Variants in ADGRL2 observed in about 807,000 individuals in gnomAD.
The protein encoded by ADGRL2 is adhesion G protein-coupled receptor L2, also known as calcium-independent alpha-latrotoxin receptor 2.
A neutral mutation model predicts 157.4 loss-of-function variants in ADGRL2; 44 were observed. The ratio of observed to expected loss-of-function variants is 0.28; its 90% CI spans 0.22 to 0.36. The LOEUF (loss-of-function observed/expected upper bound fraction) is 0.36, where lower values mean the gene tolerates loss of function less well. Among genes scored for constraint, ADGRL2 ranks in the 10% least tolerant of loss-of-function variants. ADGRL2 has a pLI of 1.00. For synonymous variants in ADGRL2, 585 were observed against 624.7 expected (o/e 0.94, Z 0.95); for missense variants, 1,510 against 1,768.9 (o/e 0.85, Z 2.63).
rs529182933 is a variant in ADGRL2 at position 81,775,586 on chromosome 1, A to T, written c.-101+13734A>T. 9.4e-3 allele frequency among the ~76,000 whole-genome samples: 1,356 copies of T among 144,100 alleles called. 19 individuals carry two copies. The highest frequency in any genetic ancestry group is 0.031 in the African/African-American group (1,233 of 39,756). The allele number at this position is 144,100 out of a possible 152,430, so 94.5% of individuals were successfully genotyped here. ...CTTGGGTAATAGAGGTCCTGGTTTAAAAAAAAAAAAAAAAGTGTGATGTTT... is the reference window on the plus strand; with the variant it reads ...CTTGGGTAATAGAGGTCCTGGTTTATAAAAAAAAAAAAAAGTGTGATGTTT... On this transcript the variant is annotated intron_variant, in intron 2 of 20. Coordinates refer to the ADGRL2 transcript ENST00000359929.
chr1:81,442,650 GT>G (rs138317392), intron 1 of ADGRL2, among the ~76,000 whole-genome samples: 9,996 of 152,174 alleles, frequency 0.066, 362 homozygotes, highest in Middle Eastern at 0.12. Flanking sequence ...GTAAAACATG[GT>G]ACTCGGGAGC....
intron 3 of ADGRL2, among the ~76,000 whole-genome samples, chr1:81,635,788 A>C (rs2082103543): frequency 6.6e-6 from 1 of 152,292 alleles, no homozygotes; most frequent in South Asian, 2.1e-4. Context: ...ACACCACAGC[A>C]GTGGGCTTCA....
chr1:81,941,897 G>T (rs1648121698), intron 4 of ADGRL2, 137 bp from the exon 5 acceptor site: 1 of 489,592 alleles, frequency 2.0e-6, no homozygotes, highest in East Asian at 3.3e-5. Context: ...TTTATCCAAA[G>T]TAGTACAGCT....
intron 2 of ADGRL2, among the ~76,000 whole-genome samples, chr1:81,852,953 C>A (rs1391479717): frequency 1.3e-5 from 2 of 152,024 alleles, no homozygotes; most frequent in African/African-American, 2.4e-5. Flanking sequence ...CTGTAAAAAT[C>A]AACATTTTTT....
At chr1:81,593,297 A>G (rs2081169848) in intron 3 of ADGRL2, among the ~76,000 whole-genome samples, 1 of 152,148 alleles carries the variant, frequency 6.6e-6, no homozygotes, top group Admixed American at 6.5e-5. Flanking sequence ...TGTAATAACA[A>G]TCACCCTAGA....
chr1:81,374,627 C>A (rs2076218074), intron 1 of ADGRL2, among the ~76,000 whole-genome samples: 1 of 149,422 alleles, frequency 6.7e-6, no homozygotes, highest in South Asian at 2.1e-4. Context: ...ATGAGTAGGG[C>A]AAGTCCGCCT....
intron 2 of ADGRL2, among the ~76,000 whole-genome samples, chr1:81,498,562 G>A (rs929852018): frequency 1.3e-5 from 2 of 152,190 alleles, no homozygotes; most frequent in African/African-American, 2.4e-5. Context: ...GAACATCTGA[G>A]TATAATTGCA....
chr1:81,787,678 A>AT (rs1465875553), intron 2 of ADGRL2, among the ~76,000 whole-genome samples: 1 of 152,034 alleles, frequency 6.6e-6, no homozygotes, highest in African/African-American at 2.4e-5. Flanking sequence ...AAAGTTTAAG[A>AT]TAAAACATCA....
chr1:81,771,712 C>T (rs1289900741), intron 2 of ADGRL2, among the ~76,000 whole-genome samples: 1 of 152,034 alleles, frequency 6.6e-6, no homozygotes, highest in Non-Finnish European at 1.5e-5. Flanking sequence ...TATGAGAGTG[C>T]AACCTTATCC....
chr1:81,692,485 C>A (rs187336659), intron 3 of ADGRL2, among the ~76,000 whole-genome samples: 1 of 152,142 alleles, frequency 6.6e-6, no homozygotes, highest in East Asian at 1.9e-4. Context: ...CCATTGTATG[C>A]TAAGCTCTTT....
At chr1:81,718,113 G>A (rs769134891) in intron 1 of ADGRL2, among the ~76,000 whole-genome samples, 12 of 152,084 alleles carry the variant, frequency 7.9e-5, no homozygotes, top group Admixed American at 1.3e-4. Flanking sequence ...TCCGCCTCTC[G>A]GGTTCAAGTG....
intron 2 of ADGRL2, among the ~76,000 whole-genome samples, chr1:81,781,264 C>T (rs2086801401): frequency 6.6e-6 from 1 of 152,014 alleles, no homozygotes; most frequent in African/African-American, 2.4e-5. Context: ...CAATGTTTTC[C>T]CATCTCTACT....
chr1:81,395,177 C>T (rs931123792), intron 1 of ADGRL2, among the ~76,000 whole-genome samples: 4 of 152,106 alleles, frequency 2.6e-5, no homozygotes, highest in Non-Finnish European at 4.4e-5. Context: ...TTTCAAAGTG[C>T]TAGGATTACA....
intron 2 of ADGRL2, among the ~76,000 whole-genome samples, chr1:81,452,103 C>G (rs931634295): frequency 6.6e-6 from 1 of 152,050 alleles, no homozygotes; most frequent in Non-Finnish European, 1.5e-5. Context: ...ACAAGACTGT[C>G]GTTTTTTTAT....
intron 1 of ADGRL2, among the ~76,000 whole-genome samples, chr1:81,743,192 G>A (rs1028995516): frequency 6.6e-6 from 1 of 151,930 alleles, no homozygotes. Context: ...GAAATTAAGG[G>A]TTCTTAGAGC....
At chr1:81,515,625 C>A (rs2079161443) in intron 2 of ADGRL2, among the ~76,000 whole-genome samples, 1 of 151,954 alleles carries the variant, frequency 6.6e-6, no homozygotes, top group Non-Finnish European at 1.5e-5. Context: ...TCCCTTAGAA[C>A]AAAAATGATG....
chr1:81,880,375 T>G (rs2151195784), intron 2 of ADGRL2, among the ~76,000 whole-genome samples: 1 of 152,336 alleles, frequency 6.6e-6, no homozygotes, highest in East Asian at 1.9e-4. Flanking sequence ...CTTTCTTAAC[T>G]GAGAGTTTTT....
intron 2 of ADGRL2, among the ~76,000 whole-genome samples, chr1:81,505,449 G>A (rs2078952543): frequency 6.6e-6 from 1 of 150,728 alleles, no homozygotes; most frequent in South Asian, 2.1e-4. Context: ...TGTCTTTCCG[G>A]TCATTGGATC....
At chr1:81,883,285 C>T (rs2094034835) in intron 2 of ADGRL2, among the ~76,000 whole-genome samples, 1 of 152,012 alleles carries the variant, frequency 6.6e-6, no homozygotes, top group African/African-American at 2.4e-5. Context: ...TAAAGTGCTA[C>T]AAAAAATACT....
Sources: allele counts gnomAD v4.1 joint callset (sites outside exome capture counted in the v4.1 genomes callset), GRCh38; gene constraint gnomAD v4.1.1; transcripts MANE v1.5; gene names NCBI Gene and HGNC (gene_info 2026-07-23, HGNC 2026-07-21).